Variants in MGST3 observed in about 807,000 individuals in gnomAD.
The protein encoded by MGST3 is glutathione S-transferase 3, mitochondrial.
A neutral mutation model predicts 15.8 loss-of-function variants in MGST3; 13 were observed. That is an observed-to-expected ratio of 0.82 (90% CI 0.54 to 1.31). The LOEUF (loss-of-function observed/expected upper bound fraction) is 1.31, where lower values mean the gene tolerates loss of function less well. Among genes scored for constraint, MGST3 ranks in the 50% most tolerant of loss-of-function variants. MGST3 has a pLI of 0.00. For synonymous variants in MGST3, 49 were observed against 68.1 expected (o/e 0.72, Z 1.38); for missense variants, 155 against 192.4 (o/e 0.81, Z 1.15).
chr1:165,649,932 G>A lies in MGST3; in HGVS notation c.85G>A (p.Val29Ile). The A allele has an allele frequency of 6.2e-7, 1 of 1,614,144 alleles. No homozygotes were observed. ...FIMVAHLAIN[V>I]SKARKKYKVE... ...AATGGTGGCCCACCTAGCCATCAAT[G>A]TTTCCAAGGCCCGCAAGAAGTACAA... The change falls in exon 2 of 6, where the codon GTT becomes ATT. Residue 29 changes from valine (V) to isoleucine (I), a missense_variant. Physicochemically the swap from Val to Ile is conservative, Grantham distance 29. Coordinates refer to ENST00000367889, the MANE Select transcript of MGST3 (RefSeq NM_004528.4).
chr1:165,648,228 C>G (rs986536698), intron 1 of MGST3, among the ~76,000 whole-genome samples: 1 of 152,244 alleles, frequency 6.6e-6, no homozygotes, highest in Admixed American at 6.5e-5. Context: ...GGAACCAGCC[C>G]GCTGCAGTGT....
chr1:165,637,444 C>G (rs542139116), intron 1 of MGST3, among the ~76,000 whole-genome samples: 16 of 152,122 alleles, frequency 1.1e-4, no homozygotes, highest in Non-Finnish European at 2.1e-4. Flanking sequence ...ATAAAGCCTG[C>G]CTTTTGCTTT....
Position 165,648,055 on chromosome 1 carries a change from T to A in MGST3, c.-7-1786T>A, listed in dbSNP as rs532388077. On this transcript the variant is annotated intron_variant, in intron 1 of 5. Transcript: ENST00000367889. ...ATTTTTATTTATTTTCAAAGAGGTG[T>A]TCAGAATTCACACTCTGTTTTTCTT... Among the ~76,000 whole-genome samples the A allele has an allele frequency of 3.3e-5, 5 of 152,364 alleles. No homozygotes were observed. The East Asian group carries it at 9.6e-4, about 29-fold the overall frequency.
At chr1:165,646,979 C>A (rs1403293416) in intron 1 of MGST3, 2 of 152,396 alleles carry the variant, frequency 1.3e-5, no homozygotes, top group South Asian at 4.1e-4. Context: ...AGAACAGTCA[C>A]GCTGCTGCCC....
intron 1 of MGST3, among the ~76,000 whole-genome samples, chr1:165,635,066 C>A (rs1232563186): frequency 2.0e-5 from 3 of 151,914 alleles, no homozygotes; most frequent in Non-Finnish European, 4.4e-5. Context: ...CCTTCTGTAT[C>A]CCATGGCTTC....
intron 1 of MGST3, among the ~76,000 whole-genome samples, chr1:165,631,713 G>A (rs1647950196): frequency 6.6e-6 from 1 of 152,160 alleles, no homozygotes; most frequent in Non-Finnish European, 1.5e-5. Context: ...CGGGGGAGTG[G>A]TTGTGCAGGC....
intron 1 of MGST3, chr1:165,632,033 T>A: frequency 1.9e-6 from 1 of 534,554 alleles, no homozygotes; most frequent in South Asian, 2.6e-5. Context: ...TGCAGGGCGG[T>A]GGAAGGCGCT....
chr1:165,642,924 A>G lies in MGST3; in HGVS notation c.-7-6917A>G, dbSNP rs896949513. On this transcript the variant is annotated intron_variant, in intron 1 of 5. Transcript: ENST00000367889. ...AAGTCAGGTCTGATCTTTCGGTTCC[A>G]TCATTCCATACTGCCTGTTCCTCTG... Among the ~76,000 whole-genome samples the G allele has an allele frequency of 6.6e-5, 10 of 152,368 alleles. No individual in the cohort carries two copies. The South Asian group carries it at 1.2e-3, about 19-fold the overall frequency.
chr1:165,652,598 G>C (rs1571156849), intron 4 of MGST3, among the ~76,000 whole-genome samples: 1 of 152,166 alleles, frequency 6.6e-6, no homozygotes, highest in African/African-American at 2.4e-5. Flanking sequence ...TGGTCAGGGA[G>C]GGGGGCTTTG....
At position 165,640,016 on chromosome 1, in the gene MGST3, A is replaced by G. The variant is rs546522962; in HGVS notation, c.-8+8723A>G. Among the ~76,000 whole-genome samples the G allele has an allele frequency of 2.6e-5, 4 of 152,254 alleles. No homozygotes were observed. In the South Asian group the frequency reaches 6.2e-4, roughly 24 times the overall value. Reference sequence around the variant, plus strand: ...TCAGAAGTTGAGGTATGCCTGATCCATGGTATTAGAAGGGATGATCCCAGA... The same window carrying G: ...TCAGAAGTTGAGGTATGCCTGATCCGTGGTATTAGAAGGGATGATCCCAGA... On this transcript the variant is annotated intron_variant, in intron 1 of 5. Transcript: ENST00000367889.
At chr1:165,633,682 G>T (rs1029125378) in intron 1 of MGST3, among the ~76,000 whole-genome samples, 1 of 152,074 alleles carries the variant, frequency 6.6e-6, no homozygotes, top group Admixed American at 6.5e-5. Context: ...CGGGCATTCA[G>T]CAGCTGCTAC....
chr1:165,647,934 G>T (rs1294636233), intron 1 of MGST3: 1 of 152,332 alleles, frequency 6.6e-6, no homozygotes, highest in East Asian at 1.9e-4. Flanking sequence ...TGTTGGGACT[G>T]TAGGTGTGAG....
chr1:165,639,660 G>C (rs544009604), intron 1 of MGST3, among the ~76,000 whole-genome samples: 9 of 151,976 alleles, frequency 5.9e-5, no homozygotes, highest in Admixed American at 2.0e-4. Flanking sequence ...AAAATTAGCT[G>C]GGTGTAGTGA....
At chr1:165,632,541 A>G (rs376948844) in intron 1 of MGST3, among the ~76,000 whole-genome samples, 10 of 152,228 alleles carry the variant, frequency 6.6e-5, no homozygotes, top group African/African-American at 2.2e-4. Flanking sequence ...ATAGAAACAA[A>G]TACTTTCATC....
chr1:165,633,001 T>C (rs1647994629), intron 1 of MGST3, among the ~76,000 whole-genome samples: 1 of 152,252 alleles, frequency 6.6e-6, no homozygotes, highest in Admixed American at 6.5e-5. Context: ...TACTTAAATC[T>C]TCTGAATCTA....
chr1:165,633,770 T>C (rs1025506940), intron 1 of MGST3, among the ~76,000 whole-genome samples: 2 of 152,332 alleles, frequency 1.3e-5, no homozygotes, highest in Admixed American at 1.3e-4. Context: ...TCGAGATTTT[T>C]TTTTTTCCTT....
At chr1:165,636,288 ACCTCAGCCT>A (rs1648112241) in intron 1 of MGST3, among the ~76,000 whole-genome samples, 1 of 152,062 alleles carries the variant, frequency 6.6e-6, no homozygotes, top group South Asian at 2.1e-4. Flanking sequence ...CAGTCCTCCC[ACCTCAGCCT>A]CCCAAGTAGC....
chr1:165,654,163 G>T, intron 4 of MGST3, 116 bp from the exon 5 acceptor site: 2 of 959,276 alleles, frequency 2.1e-6, no homozygotes, highest in Non-Finnish European at 3.4e-6. Flanking sequence ...GGGAGTAGTT[G>T]GCCAAATCAT....
intron 1 of MGST3, among the ~76,000 whole-genome samples, chr1:165,642,979 A>G (rs1648300870): frequency 6.6e-6 from 1 of 152,106 alleles, no homozygotes; most frequent in Non-Finnish European, 1.5e-5. Context: ...TTGTCAAGCC[A>G]CTCTAAGTTT....
Sources: gnomAD v4.1 joint callset for allele counts (sites outside exome capture counted in the v4.1 genomes callset) on GRCh38, gnomAD v4.1.1 for gene constraint, MANE v1.5 for transcripts, NCBI Gene and HGNC (gene_info 2026-07-23, HGNC 2026-07-21) for gene names.